TTC29: variants seen among roughly 807,000 people sequenced by gnomAD.
The protein encoded by TTC29 is tetratricopeptide repeat domain 29, also known as tetratricopeptide repeat protein 29.
TTC29 carries 49 observed loss-of-function variants against 58.1 expected under a neutral mutation model. The ratio of observed to expected loss-of-function variants is 0.84; its 90% confidence interval spans 0.67 to 1.07. The LOEUF is 1.07. Ranked by LOEUF, TTC29 falls within the 50% of genes least tolerant of loss-of-function variation. The pLI is 0.00. For missense variants in TTC29, 582 were observed against 555.6 expected, an observed-to-expected ratio of 1.05 and a Z score of -0.48; for synonymous variants, 209 against 196.8, an observed-to-expected ratio of 1.06 and a Z score of -0.52.
At chr4:146,752,103 AT>A (rs1746050520) in intron 11 of TTC29, among the ~76,000 whole-genome samples, 1 of 151,950 alleles carries the variant, frequency 6.6e-6, no homozygotes, top group Non-Finnish European at 1.5e-5. Context: ...CGGGCATTCA[AT>A]TAGGAAAAGA....
chr4:146,722,944 C>T (rs746509810), intron 11 of TTC29, among the ~76,000 whole-genome samples: 6 of 152,120 alleles, frequency 3.9e-5, no homozygotes, highest in South Asian at 4.1e-4. Context: ...GCGATCCACC[C>T]GCCTCAGCCT....
intron 11 of TTC29, among the ~76,000 whole-genome samples, chr4:146,737,825 T>C (rs576469441): frequency 1.3e-5 from 2 of 152,312 alleles, no homozygotes; most frequent in African/African-American, 4.8e-5. Context: ...CCAAATCATC[T>C]AAAAAATCTT....
chr4:146,729,965 T>C (rs989168559), intron 11 of TTC29, among the ~76,000 whole-genome samples: 1 of 151,748 alleles, frequency 6.6e-6, no homozygotes, highest in African/African-American at 2.4e-5. Context: ...AGCCAAACCA[T>C]ATTAGGTGGG....
chr4:146,743,219 G>A (rs1745294843), intron 11 of TTC29, among the ~76,000 whole-genome samples: 1 of 152,030 alleles, frequency 6.6e-6, no homozygotes, highest in Non-Finnish European at 1.5e-5. Flanking sequence ...GGGAGGGTGG[G>A]TGAATGCAAT....
chr4:146,910,155 C>T (rs1484443072), intron 4 of TTC29, among the ~76,000 whole-genome samples: 2 of 151,670 alleles, frequency 1.3e-5, no homozygotes, highest in Non-Finnish European at 2.9e-5. Context: ...CTACTGGCAA[C>T]AAAAATTCAC....
intron 8 of TTC29, among the ~76,000 whole-genome samples, chr4:146,862,559 A>G (rs1216725681): frequency 6.6e-6 from 1 of 152,238 alleles, no homozygotes. Context: ...GAGTGAAAAG[A>G]CATTGCCTTC....
Position 146,903,704 on chromosome 4 carries a change from GTTA to G in TTC29, c.423_425del (p.Asn142del), listed in dbSNP as rs1560702102. ...TGAAGTAACAGGCCAGAGCATACAA[GTTA>G]TTATGTACATCTTCGAAGGATTCTT... On this transcript the variant is annotated inframe_deletion, in exon 6 of 13. Transcript: ENST00000325106. 2.5e-6 allele frequency: 4 copies of G among 1,606,356 alleles called. No individual in the cohort carries two copies. Among genetic ancestry groups the G allele is most frequent in the Non-Finnish European group, 3.4e-6 (4 of 1,177,036 alleles).
intron 11 of TTC29, among the ~76,000 whole-genome samples, chr4:146,789,748 T>C (rs1471105198): frequency 6.6e-6 from 1 of 152,144 alleles, no homozygotes; most frequent in Non-Finnish European, 1.5e-5. Context: ...CAATTATGTA[T>C]TCTATGTCAC....
chr4:146,780,864 T>C (rs1260546365), intron 11 of TTC29, among the ~76,000 whole-genome samples: 3 of 152,080 alleles, frequency 2.0e-5, no homozygotes, highest in African/African-American at 7.2e-5. Flanking sequence ...TCACTATAGA[T>C]AGCTTCTCTT....
intron 5 of TTC29, among the ~76,000 whole-genome samples, chr4:146,906,163 T>TA (rs927607859): frequency 2.6e-4 from 38 of 148,298 alleles, no homozygotes; most frequent in East Asian, 5.9e-4. Flanking sequence ...GGATAATATT[T>TA]AAAAAAAAAA....
intron 4 of TTC29, among the ~76,000 whole-genome samples, chr4:146,918,147 T>G (rs183110555): frequency 8.6e-5 from 13 of 151,180 alleles, no homozygotes; most frequent in Non-Finnish European, 1.6e-4. Context: ...TTTGTATTTT[T>G]GGATTTTTTA....
At position 146,843,524 on chromosome 4, in the gene TTC29, C is replaced by A. The variant is rs190723994; in HGVS notation, c.886-9627G>T. 3.9e-5 allele frequency among the ~76,000 whole-genome samples: 6 copies of A among 152,146 alleles called. No individual in the cohort carries two copies. The East Asian group carries it at 7.7e-4, about 20-fold the overall frequency. ...GAAGTGGAGGCTGTATGGTCAAGGG[C>A]GGGAAGGGCTGAGTATTGCAAGACA... is the stretch of plus-strand genomic sequence containing the variant. On this transcript the variant is annotated intron_variant, in intron 8 of 12. Coordinates refer to ENST00000325106, the MANE Select transcript of TTC29 (RefSeq NM_031956.4).
At chr4:146,750,885 A>G (rs1745932818) in intron 11 of TTC29, among the ~76,000 whole-genome samples, 7 of 152,246 alleles carry the variant, frequency 4.6e-5, no homozygotes, top group Admixed American at 4.6e-4. Context: ...ATAACTTTGA[A>G]TGTAAATGGA....
intron 8 of TTC29, among the ~76,000 whole-genome samples, chr4:146,857,481 C>G (rs1328045917): frequency 6.6e-6 from 1 of 152,190 alleles, no homozygotes; most frequent in East Asian, 1.9e-4. Flanking sequence ...ACCGCTGAGC[C>G]TACACCTTGA....
intron 4 of TTC29, among the ~76,000 whole-genome samples, chr4:146,914,838 T>C (rs1416143986): frequency 6.6e-6 from 1 of 152,100 alleles, no homozygotes; most frequent in Non-Finnish European, 1.5e-5. Context: ...ATTTAAAAAA[T>C]CTAGAGACTG....
intron 11 of TTC29, among the ~76,000 whole-genome samples, chr4:146,733,115 G>A (rs1289250399): frequency 6.6e-6 from 1 of 152,038 alleles, no homozygotes; most frequent in East Asian, 1.9e-4. Flanking sequence ...TTTGGGAGAT[G>A]AGGTCACAAA....
intron 11 of TTC29, among the ~76,000 whole-genome samples, chr4:146,770,287 T>A (rs932372082): frequency 4.1e-4 from 63 of 151,962 alleles, no homozygotes; most frequent in African/African-American, 1.3e-3. Context: ...ATCTAGTAGA[T>A]CTGAGTGGGT....
chr4:146,760,252 G>A (rs559613477), intron 11 of TTC29, among the ~76,000 whole-genome samples: 1 of 151,966 alleles, frequency 6.6e-6, no homozygotes, highest in East Asian at 1.9e-4. Flanking sequence ...ACCTCTATGA[G>A]GAAAACTACA....
chr4:146,864,530 C>G (rs1168180817), intron 8 of TTC29, among the ~76,000 whole-genome samples: 1 of 152,136 alleles, frequency 6.6e-6, no homozygotes, highest in African/African-American at 2.4e-5. Flanking sequence ...ATAAAAATTA[C>G]CACAAACTAA....
Sources: allele counts gnomAD v4.1 joint callset (sites outside exome capture counted in the v4.1 genomes callset), GRCh38; gene constraint gnomAD v4.1.1; transcripts MANE v1.5; gene names NCBI Gene and HGNC (gene_info 2026-07-23, HGNC 2026-07-21).